AP5Z1: variants seen among roughly 807,000 people sequenced by gnomAD.
AP5Z1 encodes AP-5 complex subunit zeta-1.
AP5Z1 carries 106 observed loss-of-function variants against 83.0 expected under a neutral mutation model. That is an observed-to-expected ratio of 1.28 (90% CI 1.09 to 1.50). The LOEUF is 1.50. AP5Z1 is among the 40% of genes most tolerant of loss of function. The pLI is 0.00. For synonymous variants in AP5Z1, 751 were observed against 514.1 expected, an observed-to-expected ratio of 1.46 and a Z score of -6.23; for missense variants, 1,565 against 1,094.2, an observed-to-expected ratio of 1.43 and a Z score of -6.07.
At chr7:4,782,547 C>T (rs1342288889) in intron 3 of AP5Z1, among the ~76,000 whole-genome samples, 1 of 152,028 alleles carries the variant, frequency 6.6e-6, no homozygotes, top group East Asian at 1.9e-4. Flanking sequence ...GTGCAGCCTG[C>T]GGTTGCTTTA....
Position 4,789,826 on chromosome 7 carries a change from C to T in AP5Z1, c.1708-6C>T, listed in dbSNP as rs954765465. ...GCTGAGCCTGTTTCCCACTCCTGACCCCCAGGTGGCTGACGGGTCCCTGAT... is the reference window on the plus strand; with the variant it reads ...GCTGAGCCTGTTTCCCACTCCTGACTCCCAGGTGGCTGACGGGTCCCTGAT... On this transcript the variant is annotated splice_region_variant and splice_polypyrimidine_tract_variant and intron_variant, in intron 13 of 16. Coordinates refer to ENST00000649063, the MANE Select transcript of AP5Z1 (RefSeq NM_014855.3). 9.0e-6 allele frequency: 14 copies of T among 1,550,988 alleles called. No individual in the cohort carries two copies. Among genetic ancestry groups the T allele is most frequent in the Non-Finnish European group, 1.2e-5 (14 of 1,147,252 alleles).
At chr7:4,786,178 C>T in intron 9 of AP5Z1, 72 bp from the exon 10 acceptor site, 2 of 1,450,234 alleles carry the variant, frequency 1.4e-6, no homozygotes, top group Non-Finnish European at 9.2e-7. Context: ...AGACTCAGGG[C>T]CCCTAACCAG....
At chr7:4,775,809 A>G in intron 1 of AP5Z1, 53 bp downstream of exon 1, 1 of 1,589,058 alleles carries the variant, frequency 6.3e-7, no homozygotes, top group South Asian at 1.1e-5. Context: ...CCCTAGGGGC[A>G]CACGGGGGTG....
intron 10 of AP5Z1, among the ~76,000 whole-genome samples, chr7:4,786,911 C>T (rs540075493): frequency 6.6e-6 from 1 of 152,228 alleles, no homozygotes; most frequent in African/African-American, 2.4e-5. Context: ...GTTGAGATTA[C>T]AGGCACCCAC....
chr7:4,778,096 G>A (rs1365930855), intron 1 of AP5Z1, among the ~76,000 whole-genome samples: 2 of 152,118 alleles, frequency 1.3e-5, no homozygotes, highest in Admixed American at 6.5e-5. Flanking sequence ...GTGGTGGCAC[G>A]TACCCATAGT....
In AP5Z1 at chr7:4,783,677, C is replaced by T. The variant is rs1781448751; in HGVS notation, c.512-12C>T. On this transcript the variant is annotated splice_polypyrimidine_tract_variant and intron_variant, in intron 4 of 16. Transcript: ENST00000649063. ...TCAACCTCACCTCCCCATGCCACCC[C>T]ACCCACTGCAGACCAGGCCACCCTG... 1.3e-6 allele frequency: 2 copies of T among 1,548,134 alleles called. No individual in the cohort carries two copies. Among genetic ancestry groups the T allele is most frequent in the South Asian group, 1.2e-5 (1 of 83,950 alleles).
rs1163163416 is a variant in AP5Z1, at chr7:4,787,876, T to C, written c.1454+100T>C. ...CTCCTGACCCCTACACCGGGGACCCTCCTTCTTCCCCCCCCAACACCTGAC... is the reference window on the plus strand; with the variant it reads ...CTCCTGACCCCTACACCGGGGACCCCCCTTCTTCCCCCCCCAACACCTGAC... On this transcript the variant is annotated intron_variant, in intron 11 of 16. Transcript: ENST00000649063. 16 of 1,374,976 alleles carry C rather than the reference T, an allele frequency of 1.2e-5. No individual in the cohort carries two copies. In the East Asian group the frequency reaches 3.6e-4, roughly 31 times the overall value. The allele number at this position is 1,374,976 out of a possible 1,614,324, so 85.2% of individuals were successfully genotyped here.
chr7:4,783,177 G>A (rs1043330809), intron 3 of AP5Z1, 139 bp from the exon 4 acceptor site: 19 of 1,325,734 alleles, frequency 1.4e-5, no homozygotes, highest in Non-Finnish European at 1.1e-5. Context: ...GGGCCTGCGC[G>A]GGACATCCTC....
chr7:4,790,481 G>T lies in AP5Z1; in HGVS notation c.1828G>T (p.Ala610Ser). ...CAGTGTGCTGAGTTCTCAGTTCCTG[G>T]CCCTGTGTACGCTGAAACCCTCCCT... ...VHSVLSSQFL[A>S]LCTLKPSLVV... The change falls in exon 15 of 17, where the codon GCC (alanine) becomes TCC (serine). Residue 610 changes from alanine to serine, a missense_variant. Ala to Ser is a moderately conservative substitution (Grantham distance 99). Coordinates refer to ENST00000649063, the MANE Select transcript of AP5Z1 (RefSeq NM_014855.3). 6.2e-7 allele frequency: 1 copy of T among 1,613,198 alleles called. No homozygotes were observed.
rs1390115024 is a variant in AP5Z1 at position 4,791,195 on chromosome 7, A to C, written c.2234A>C (p.Glu745Ala). Residue 745 changes from glutamate (E) to alanine (A), a missense_variant, in exon 17 of 17, where the codon GAA becomes GCA. By Grantham distance (107) the Glu-to-Ala change is moderately radical. Coordinates refer to ENST00000649063, the MANE Select transcript of AP5Z1 (RefSeq NM_014855.3). ...TSSTHSEEGAEAIRTRATELL... is the reference protein window; with the variant it reads ...TSSTHSEEGAAAIRTRATELL... The stretch of plus-strand genomic sequence containing the variant: ...TCCACGCACAGCGAGGAGGGCGCGG[A>C]AGCCATCCGTACCCGGGCCACAGAG... The C allele has an allele frequency of 6.2e-7, 1 of 1,612,534 alleles. No homozygotes were observed. Among genetic ancestry groups the C allele is most frequent in the Non-Finnish European group, 8.5e-7 (1 of 1,179,756 alleles).
In AP5Z1 at chr7:4,788,280, T is replaced by G. The variant is rs766597157; in HGVS notation, c.1581T>G (p.Ser527Arg). Residue 527 changes from serine to arginine, a missense_variant, in exon 12 of 17, where the codon AGT (serine) becomes AGG (arginine). By Grantham distance (110) the Ser-to-Arg change is moderately radical (BLOSUM62 -1). Coordinates refer to ENST00000649063, the MANE Select transcript of AP5Z1 (RefSeq NM_014855.3). ...AATACCTGCTGCGCCCCAAGGCCAGTGGCGCCACTGAGAGGTACGGGGCCC... is the reference window on the plus strand; with the variant it reads ...AATACCTGCTGCGCCCCAAGGCCAGGGGCGCCACTGAGAGGTACGGGGCCC... ...LFQYLLRPKA[S>R]GATERLAPLH... is the part of the protein sequence containing the mutation. 3.8e-6 allele frequency: 6 copies of G among 1,590,918 alleles called. No individual in the cohort carries two copies. In the South Asian group the frequency reaches 6.8e-5, roughly 18 times the overall value.
rs993803738 is a variant in AP5Z1 at position 4,775,643 on chromosome 7, C to T, written c.-73C>T. 3 of 1,590,708 alleles carry T rather than the reference C, an allele frequency of 1.9e-6. No individual in the cohort carries two copies. Among genetic ancestry groups the T allele is most frequent in the African/African-American group, 1.3e-5 (1 of 74,642 alleles). ...CACGTGACGCGGTCCCGGAAGTTGA[C>T]CGGGGTGCGGAGCTCCTGGGCTGCA... On this transcript the variant is annotated 5_prime_UTR_variant, in exon 1 of 17. Coordinates refer to ENST00000649063, the MANE Select transcript of AP5Z1 (RefSeq NM_014855.3).
rs1781736739 is a variant in AP5Z1 at position 4,790,714 on chromosome 7, G to C, written c.1980G>C (p.Arg660=). ...AGTACCTGTCGGTGACCTACGATCGGAGGTGCACCGTGGAGCAGATCAACA... is the reference window on the plus strand; with the variant it reads ...AGTACCTGTCGGTGACCTACGATCGCAGGTGCACCGTGGAGCAGATCAACA... ...IGEYLSVTYD[R]RCTVEQINKF... The change falls in exon 16 of 17, where the codon CGG becomes CGC. Residue 660 remains arginine (R), a synonymous_variant. Coordinates refer to ENST00000649063, the MANE Select transcript of AP5Z1 (RefSeq NM_014855.3). 1.2e-6 allele frequency: 2 copies of C among 1,611,322 alleles called. No homozygotes were observed. The highest frequency in any genetic ancestry group is 8.5e-7 in the Non-Finnish European group (1 of 1,179,502).
intron 14 of AP5Z1, 29 bp downstream of exon 14, chr7:4,789,958 C>G (rs574694482): frequency 1.3e-6 from 2 of 1,494,646 alleles, no homozygotes; most frequent in Non-Finnish European, 1.8e-6. Flanking sequence ...CCTGCCACAG[C>G]CCTGGGCGGG....
Position 4,791,210 on chromosome 7 carries a change from G to T in AP5Z1, c.2249G>T (p.Arg750Leu). Residue 750 changes from arginine (R) to leucine (L), a missense_variant, in exon 17 of 17, where the codon CGG becomes CTG. Arg to Leu is a moderately radical substitution (Grantham distance 102, BLOSUM62 -2). Coordinates refer to ENST00000649063, the MANE Select transcript of AP5Z1 (RefSeq NM_014855.3). The stretch of plus-strand genomic sequence containing the variant: ...GAGGGCGCGGAAGCCATCCGTACCC[G>T]GGCCACAGAGCTGCTGACCCTGCTG... ...SEEGAEAIRT[R>L]ATELLTLLKM... The T allele has an allele frequency of 6.2e-7, 1 of 1,612,640 alleles. No homozygotes were observed.
intron 14 of AP5Z1, chr7:4,790,165 C>T (rs1781710793): frequency 6.6e-7 from 1 of 1,524,332 alleles, no homozygotes; most frequent in African/African-American, 1.4e-5. Flanking sequence ...TCAGGGTTAG[C>T]TCAGGTCCCT....
chr7:4,781,511 G>T, intron 2 of AP5Z1, 57 bp from the exon 3 acceptor site: 10 of 1,576,980 alleles, frequency 6.3e-6, no homozygotes, highest in Non-Finnish European at 8.7e-6. Context: ...GGGGCACCGG[G>T]TGCTCCTGCC....
chr7:4,786,038 A>G (rs1273613481), intron 9 of AP5Z1, among the ~76,000 whole-genome samples: 2 of 152,166 alleles, frequency 1.3e-5, no homozygotes. Flanking sequence ...AGCACCTTCC[A>G]AAGAATGTGC....
chr7:4,783,628 C>A (rs971643590), intron 4 of AP5Z1, 61 bp from the exon 5 acceptor site: 1 of 1,515,984 alleles, frequency 6.6e-7, no homozygotes, highest in Non-Finnish European at 8.9e-7. Flanking sequence ...GCCAGCATCC[C>A]AACAACCCAG....
Sources: allele counts gnomAD v4.1 joint callset (sites outside exome capture counted in the v4.1 genomes callset), GRCh38; gene constraint gnomAD v4.1.1; transcripts MANE v1.5; gene names NCBI Gene and HGNC (gene_info 2026-07-23, HGNC 2026-07-21).